AFDN: variants seen among roughly 807,000 people sequenced by gnomAD.
AFDN encodes the protein afadin, adherens junction formation factor.
AFDN carries 68 observed loss-of-function variants against 216.6 expected under a neutral mutation model. The observed-to-expected ratio is 0.31, with a 90% CI of 0.26 to 0.38. The LOEUF is 0.38. Among genes scored for constraint, AFDN ranks in the 10% least tolerant of loss-of-function variants. The probability of loss-of-function intolerance (pLI) is 1.00; values close to 1 mark genes in which losing one functional copy is unlikely to be tolerated. For synonymous variants in AFDN, 868 were observed against 853.7 expected, an observed-to-expected ratio of 1.02 and a Z score of -0.29; for missense variants, 2,136 against 2,342.0, an observed-to-expected ratio of 0.91 and a Z score of 1.82.
At chr6:167,859,351 A>AT (rs933317604) in intron 1 of AFDN, among the ~76,000 whole-genome samples, 12 of 151,716 alleles carry the variant, frequency 7.9e-5, no homozygotes, top group African/African-American at 1.2e-4. Context: ...GCACAGCTGT[A>AT]TTTTTTTTAA....
At chr6:167,895,225 A>G (rs1190625412) in intron 9 of AFDN, among the ~76,000 whole-genome samples, 1 of 152,070 alleles carries the variant, frequency 6.6e-6, no homozygotes, top group Non-Finnish European at 1.5e-5. Flanking sequence ...AATGTAACAG[A>G]TGGGGTGCTC....
intron 5 of AFDN, among the ~76,000 whole-genome samples, chr6:167,877,983 G>C (rs1275889004): frequency 6.6e-6 from 1 of 151,994 alleles, no homozygotes; most frequent in East Asian, 1.9e-4. Flanking sequence ...CTTCATGATG[G>C]CTTCAAAATG....
At chr6:167,870,340 A>G in intron 2 of AFDN, 46 bp from the exon 3 acceptor site, 1 of 1,238,546 alleles carries the variant, frequency 8.1e-7, no homozygotes, top group Non-Finnish European at 1.2e-6. Flanking sequence ...TAGTTCTATG[A>G]AATAACCATA....
intron 33 of AFDN, among the ~76,000 whole-genome samples, chr6:167,969,507 G>T (rs1049152162): frequency 6.6e-6 from 1 of 152,146 alleles, no homozygotes; most frequent in Non-Finnish European, 1.5e-5. Flanking sequence ...CACTTAACTG[G>T]TAAGAGTCAC....
intron 30 of AFDN, among the ~76,000 whole-genome samples, chr6:167,956,411 T>G (rs908712168): frequency 6.6e-6 from 1 of 152,166 alleles, no homozygotes. Context: ...TGCTCTTCCC[T>G]CTGGTCTCTT....
rs150000973 is a variant in AFDN, at chr6:167,941,820, G to A, written c.3100-1309G>A. Among the ~76,000 whole-genome samples, 161 of 151,344 alleles carry A rather than the reference G, an allele frequency of 1.1e-3. 2 individuals carry two copies. Among genetic ancestry groups the A allele is most frequent in the African/African-American group, 3.7e-3 (151 of 40,716 alleles). ...GGAGAGATGTGTGGACAGACACAGA[G>A]GGATGACGAGGTGAACAGATGGAAA... On this transcript the variant is annotated intron_variant, in intron 23 of 33. Coordinates refer to ENST00000683244, the MANE Select transcript of AFDN (RefSeq NM_001386888.1).
At chr6:167,896,841 CTT>C (rs927899375) in intron 9 of AFDN, 35 bp from the exon 10 acceptor site, 3 of 1,292,394 alleles carry the variant, frequency 2.3e-6, no homozygotes, top group African/African-American at 2.9e-5. Context: ...TAATATTAGA[CTT>C]TGCAAATAGA....
In AFDN at chr6:167,898,412, G is replaced by C. The variant is rs1788546244; in HGVS notation, c.1525G>C (p.Ala509Pro). 6.2e-7 allele frequency: 1 copy of C among 1,614,032 alleles called. No homozygotes were observed. Among genetic ancestry groups the C allele is most frequent in the African/African-American group, 1.3e-5 (1 of 74,918 alleles). Residue 509 changes from alanine to proline, a missense_variant, in exon 11 of 34, where the codon GCA becomes CCA. Ala to Pro is a conservative substitution (Grantham distance 27). Transcript: ENST00000683244. ...FVDPSQDHALAKRSVDGGLMV... is the reference protein window; with the variant it reads ...FVDPSQDHALPKRSVDGGLMV... ...GGACCCCAGTCAGGATCATGCTCTT[G>C]CAAAAAGATCTGTGGATGGAGGCCT... is the stretch of plus-strand genomic sequence containing the variant.
At chr6:167,969,021 A>AT in intron 32 of AFDN, 93 bp from the exon 33 acceptor site, 1 of 981,904 alleles carries the variant, frequency 1.0e-6, no homozygotes, top group Non-Finnish European at 1.6e-6. Context: ...CAGTAAAGGT[A>AT]TTTTTGTATT....
intron 32 of AFDN, among the ~76,000 whole-genome samples, chr6:167,966,927 C>T (rs1016134031): frequency 2.0e-5 from 3 of 152,228 alleles, no homozygotes; most frequent in Admixed American, 6.5e-5. Context: ...TACTTGCACT[C>T]TTAGCACCTA....
intron 30 of AFDN, among the ~76,000 whole-genome samples, chr6:167,955,108 C>T (rs954814314): frequency 6.6e-6 from 1 of 152,112 alleles, no homozygotes; most frequent in African/African-American, 2.4e-5. Flanking sequence ...TCGTTTAGGG[C>T]CCATTATGCT....
At chr6:167,964,386 T>A (rs891337036) in intron 31 of AFDN, 1 of 1,064,622 alleles carries the variant, frequency 9.4e-7, no homozygotes, top group African/African-American at 1.6e-5. Flanking sequence ...ACTAAGATTC[T>A]TGATAGTTCC....
chr6:167,964,935 G>T, intron 31 of AFDN: 3 of 1,057,984 alleles, frequency 2.8e-6, no homozygotes, highest in Non-Finnish European at 3.4e-6. Flanking sequence ...AATGTTAAAA[G>T]AATTTTAACA....
intron 30 of AFDN, among the ~76,000 whole-genome samples, chr6:167,952,718 C>T (rs552830587): frequency 6.6e-6 from 1 of 152,212 alleles, no homozygotes; most frequent in African/African-American, 2.4e-5. Context: ...GGCCCCTGGT[C>T]TTGTCAGCAT....
intron 21 of AFDN, among the ~76,000 whole-genome samples, chr6:167,920,617 T>C (rs975438596): frequency 9.2e-5 from 14 of 152,148 alleles, no homozygotes; most frequent in Admixed American, 9.2e-4. Context: ...CGGATGGCGC[T>C]CTCCTGCCAG....
chr6:167,917,250 CATT>C lies in AFDN; in HGVS notation c.2709+20_2709+22del, dbSNP rs1434986209. 1.3e-6 allele frequency: 2 copies of C among 1,570,600 alleles called. No homozygotes were observed. Among genetic ancestry groups the C allele is most frequent in the Non-Finnish European group, 1.7e-6 (2 of 1,163,404 alleles). The stretch of plus-strand genomic sequence containing the variant: ...TCCCAACGGTGAGTGGATGTTGCCA[CATT>C]ACCACACAGTGCGGGACATGTTTGC... On this transcript the variant is annotated intron_variant, in intron 20 of 33. Transcript: ENST00000683244.
At chr6:167,954,504 G>C in intron 30 of AFDN, 1 of 1,599,146 alleles carries the variant, frequency 6.3e-7, no homozygotes, top group Non-Finnish European at 8.5e-7. Flanking sequence ...GTATGTTCTT[G>C]TTTCTTTCCC....
chr6:167,934,748 A>T (rs962195477), intron 23 of AFDN, among the ~76,000 whole-genome samples: 2 of 151,722 alleles, frequency 1.3e-5, no homozygotes, highest in Non-Finnish European at 2.9e-5. Flanking sequence ...TATGCTGTTT[A>T]TCACGTTGTA....
chr6:167,965,228 C>T (rs918797320), intron 31 of AFDN: 6 of 268,842 alleles, frequency 2.2e-5, no homozygotes, highest in Non-Finnish European at 3.4e-5. Context: ...TCACTCATGT[C>T]CTCCTTGTCC....
Sources: allele counts gnomAD v4.1 joint callset (sites outside exome capture counted in the v4.1 genomes callset), GRCh38; gene constraint gnomAD v4.1.1; transcripts MANE v1.5; gene names NCBI Gene and HGNC (gene_info 2026-07-23, HGNC 2026-07-21).